MMP26: variants seen among roughly 807,000 people sequenced by gnomAD.
MMP26 encodes matrix metalloproteinase-26.
MMP26 carries 33 observed loss-of-function variants against 31.0 expected under a neutral mutation model. That is an observed-to-expected ratio of 1.06 (90% confidence interval 0.81 to 1.42). The LOEUF is 1.42. MMP26 is among the 40% of genes most tolerant of loss of function. MMP26 has a pLI of 0.00. For missense variants in MMP26, 347 were observed against 316.1 expected, an observed-to-expected ratio of 1.10 and a Z score of -0.74; for synonymous variants, 122 against 114.9, an observed-to-expected ratio of 1.06 and a Z score of -0.40.
chr11:4,724,440 A>C (rs778391311), intron 1 of MMP26, among the ~76,000 whole-genome samples: 5 of 152,332 alleles, frequency 3.3e-5, no homozygotes, highest in Middle Eastern at 3.4e-3. Flanking sequence ...AAAGTTTCAG[A>C]CTAAAAGGAG....
At chr11:4,834,202 C>A (rs1307868393) in intron 2 of MMP26, among the ~76,000 whole-genome samples, 1 of 152,066 alleles carries the variant, frequency 6.6e-6, no homozygotes, top group Non-Finnish European at 1.5e-5. Flanking sequence ...TAAGGAGGTT[C>A]GTGAGATGTG....
At chr11:4,725,754 C>T (rs1369375402) in intron 1 of MMP26, among the ~76,000 whole-genome samples, 2 of 152,194 alleles carry the variant, frequency 1.3e-5, no homozygotes, top group East Asian at 3.9e-4. Flanking sequence ...TGATGACTGA[C>T]TCCCTTTGAG....
At chr11:4,907,367 A>G (rs747245614) in intron 2 of MMP26, 8 of 1,595,816 alleles carry the variant, frequency 5.0e-6, no homozygotes, top group Non-Finnish European at 6.9e-6. Context: ...TATCTCCCTC[A>G]TTATGTCTGT....
intron 2 of MMP26, among the ~76,000 whole-genome samples, chr11:4,905,283 T>A (rs377444031): frequency 4.6e-5 from 7 of 152,288 alleles, no homozygotes; most frequent in South Asian, 2.1e-4. Flanking sequence ...GGGAGATTAA[T>A]GAGTCATGCT....
intron 2 of MMP26, among the ~76,000 whole-genome samples, chr11:4,772,616 C>T (rs894762190): frequency 2.6e-5 from 4 of 152,192 alleles, no homozygotes; most frequent in Non-Finnish European, 4.4e-5. Flanking sequence ...TGTATTCTTA[C>T]TCTGTTCCCT....
At chr11:4,975,144 C>A (rs577981417) in intron 2 of MMP26, among the ~76,000 whole-genome samples, 1 of 152,020 alleles carries the variant, frequency 6.6e-6, no homozygotes, top group South Asian at 2.1e-4. Flanking sequence ...ATGCCTAGGA[C>A]GTTCTGGATT....
chr11:4,937,854 C>A (rs1846150365), intron 2 of MMP26: 1 of 152,446 alleles, frequency 6.6e-6, no homozygotes, highest in Admixed American at 6.6e-5. Flanking sequence ...TCAGAAGAAC[C>A]CCTGTTTTGA....
chr11:4,967,063 G>A (rs960980978), intron 2 of MMP26, among the ~76,000 whole-genome samples: 1 of 152,162 alleles, frequency 6.6e-6, no homozygotes, highest in African/African-American at 2.4e-5. Flanking sequence ...GATATACTTT[G>A]AAGTTTATAA....
At chr11:4,956,711 G>A (rs1000994591) in intron 2 of MMP26, among the ~76,000 whole-genome samples, 8 of 152,014 alleles carry the variant, frequency 5.3e-5, no homozygotes, top group Admixed American at 3.3e-4. Flanking sequence ...ATTAGACATC[G>A]CTAACTAAAT....
chr11:4,899,623 G>A (rs1850772319), intron 2 of MMP26, among the ~76,000 whole-genome samples: 1 of 150,378 alleles, frequency 6.6e-6, no homozygotes, highest in Non-Finnish European at 1.5e-5. Context: ...TCAGCTATCT[G>A]GGTACTGAAC....
At chr11:4,849,292 G>C (rs1253893299) in intron 2 of MMP26, 12 of 1,444,182 alleles carry the variant, frequency 8.3e-6, no homozygotes, top group African/African-American at 2.8e-5. Context: ...TGCATGAAAC[G>C]TTCCAAAATA....
chr11:4,881,767 T>C, intron 2 of MMP26: 1 of 838,526 alleles, frequency 1.2e-6, no homozygotes, highest in Non-Finnish European at 1.9e-6. Flanking sequence ...TCCATTTCCT[T>C]TCTTTAAAAC....
intron 1 of MMP26, among the ~76,000 whole-genome samples, chr11:4,706,894 A>G (rs907365518): frequency 6.6e-6 from 1 of 152,222 alleles, no homozygotes; most frequent in Non-Finnish European, 1.5e-5. Flanking sequence ...TCCATGTTGT[A>G]GCATGTGTCA....
chr11:4,820,156 C>T (rs41520952), intron 2 of MMP26, among the ~76,000 whole-genome samples: 2,394 of 152,258 alleles, frequency 0.016, 58 homozygotes, highest in African/African-American at 0.046. Flanking sequence ...TTATGCATTC[C>T]TCAGCTTTAC....
At chr11:4,714,934 A>T (rs1454927528) in intron 1 of MMP26, among the ~76,000 whole-genome samples, 17 of 151,694 alleles carry the variant, frequency 1.1e-4, no homozygotes, top group Non-Finnish European at 2.1e-4. Flanking sequence ...ACACACACAC[A>T]CACACACACA....
chr11:4,821,876 TAAG>T, intron 2 of MMP26: 7 of 1,614,000 alleles, frequency 4.3e-6, no homozygotes, highest in Non-Finnish European at 5.9e-6. Context: ...AGCATGTTGA[TAAG>T]AAATGTTGCC....
At position 4,882,513 on chromosome 11, in the gene MMP26, A is replaced by T; in HGVS notation, c.-144-105555A>T. ...AGCAGTTTTTGGGGACTGTTTCTTCAGCTCTACCTGAATGGCACTGACGTA... is the reference window on the plus strand; with the variant it reads ...AGCAGTTTTTGGGGACTGTTTCTTCTGCTCTACCTGAATGGCACTGACGTA... On this transcript the variant is annotated intron_variant, in intron 2 of 7. Transcript: ENST00000380390. 1 of 1,613,704 alleles carries T rather than the reference A, an allele frequency of 6.2e-7. No individual in the cohort carries two copies. The highest frequency in any genetic ancestry group is 8.5e-7 in the Non-Finnish European group (1 of 1,179,894).
At chr11:4,735,783 T>TA (rs78028003) in intron 1 of MMP26, among the ~76,000 whole-genome samples, 1 of 151,908 alleles carries the variant, frequency 6.6e-6, no homozygotes, top group Non-Finnish European at 1.5e-5. Flanking sequence ...AATCAAAAAG[T>TA]AAAAAACACT....
intron 2 of MMP26, chr11:4,877,568 A>G (rs549959349): frequency 1.2e-4 from 18 of 152,328 alleles, no homozygotes; most frequent in African/African-American, 3.4e-4. Flanking sequence ...ATACAGCACT[A>G]TCCAATAGAA....
Sources: gnomAD v4.1 joint callset for allele counts (sites outside exome capture counted in the v4.1 genomes callset) on GRCh38, gnomAD v4.1.1 for gene constraint, MANE v1.5 for transcripts, NCBI Gene and HGNC (gene_info 2026-07-23, HGNC 2026-07-21) for gene names.